PTPRD: variants seen among roughly 807,000 people sequenced by gnomAD.
The protein encoded by PTPRD is receptor-type tyrosine-protein phosphatase delta.
PTPRD carries 34 observed loss-of-function variants against 214.5 expected under a neutral mutation model. That is an observed-to-expected ratio of 0.16 (90% CI 0.12 to 0.21). The LOEUF (loss-of-function observed/expected upper bound fraction) is 0.21, where lower values mean the gene tolerates loss of function less well. Among genes scored for constraint, PTPRD ranks in the 10% least tolerant of loss-of-function variants. The pLI, the probability that PTPRD is intolerant of heterozygous loss-of-function variation, is 1.00. For missense variants in PTPRD, 2,545 were observed against 2,398.7 expected (o/e 1.06, Z -1.27); for synonymous variants, 1,128 against 845.7 (o/e 1.33, Z -5.79).
At chr9:9,400,692 A>G (rs1427885704) in intron 8 of PTPRD, among the ~76,000 whole-genome samples, 1 of 152,064 alleles carries the variant, frequency 6.6e-6, no homozygotes, top group Non-Finnish European at 1.5e-5. Flanking sequence ...TTGAGAGAAG[A>G]AGGAAGATAC....
chr9:8,778,210 T>C (rs1599498480), intron 11 of PTPRD, among the ~76,000 whole-genome samples: 4 of 152,370 alleles, frequency 2.6e-5, no homozygotes, highest in African/African-American at 9.6e-5. Context: ...GGCTAGACAA[T>C]TTAAACTGAT....
intron 2 of PTPRD, among the ~76,000 whole-genome samples, chr9:10,592,506 T>C (rs972228285): frequency 6.6e-6 from 1 of 151,918 alleles, no homozygotes; most frequent in Non-Finnish European, 1.5e-5. Context: ...CTACAGGTAA[T>C]AGCCATGTCA....
chr9:8,492,791 T>A (rs1186256264), intron 27 of PTPRD, 71 bp downstream of exon 27: 1 of 1,077,254 alleles, frequency 9.3e-7, no homozygotes, highest in African/African-American at 1.6e-5. Flanking sequence ...AAAAGCCTGC[T>A]AGAAGCTACC....
chr9:9,131,790 G>A (rs1246605007), intron 10 of PTPRD, among the ~76,000 whole-genome samples: 2 of 152,278 alleles, frequency 1.3e-5, no homozygotes, highest in South Asian at 2.1e-4. Context: ...ATGAGAGTTC[G>A]ATAATATGGA....
intron 3 of PTPRD, among the ~76,000 whole-genome samples, chr9:10,253,747 A>G (rs1158881072): frequency 6.6e-6 from 1 of 152,168 alleles, no homozygotes; most frequent in Non-Finnish European, 1.5e-5. Context: ...GAAAAAAATG[A>G]TTTTTTAAAA....
In PTPRD at chr9:8,342,535, A is replaced by C. The variant is rs114886592; in HGVS notation, c.4662-557T>G. Reference sequence around the variant, plus strand: ...TCCAAAATACTTTCTCTTCCTGATCATGCGGGTTTATCAGGCTGGTAAACA... The same window carrying C: ...TCCAAAATACTTTCTCTTCCTGATCCTGCGGGTTTATCAGGCTGGTAAACA... On this transcript the variant is annotated intron_variant, in intron 39 of 45. Transcript: ENST00000381196. Among the ~76,000 whole-genome samples, 976 of 152,208 alleles carry C rather than the reference A, an allele frequency of 6.4e-3. 6 individuals are homozygous for C. The highest frequency in any genetic ancestry group is 0.022 in the African/African-American group (921 of 41,548).
rs75006132 is a variant in PTPRD, at chr9:8,767,501, T to C, written c.-103-33555A>G. Among the ~76,000 whole-genome samples the C allele has an allele frequency of 7.9e-3, 1,208 of 152,246 alleles. 13 individuals are homozygous for C. Among genetic ancestry groups the C allele is most frequent in the African/African-American group, 0.027 (1,137 of 41,540 alleles). ...TAGGAACTCAAAGACACATGTACATTTGTTGCAGCATTTTTTTTGTAATGG... is the reference window on the plus strand; with the variant it reads ...TAGGAACTCAAAGACACATGTACATCTGTTGCAGCATTTTTTTTGTAATGG... On this transcript the variant is annotated intron_variant, in intron 11 of 45. Coordinates refer to ENST00000381196, the MANE Select transcript of PTPRD (RefSeq NM_002839.4).
chr9:8,583,538 T>A (rs1442305303), intron 14 of PTPRD, among the ~76,000 whole-genome samples: 1 of 152,138 alleles, frequency 6.6e-6, no homozygotes, highest in Non-Finnish European at 1.5e-5. Flanking sequence ...GAAAAAATCA[T>A]GTTGAAGAAT....
intron 43 of PTPRD, among the ~76,000 whole-genome samples, chr9:8,334,725 C>CA (rs1228214357): frequency 3.8e-5 from 4 of 106,156 alleles, no homozygotes; most frequent in South Asian, 2.6e-4. Flanking sequence ...AAAAACCCTT[C>CA]AAAAAATCAA....
chr9:9,872,019 C>T (rs1338111137), intron 5 of PTPRD, among the ~76,000 whole-genome samples: 1 of 152,106 alleles, frequency 6.6e-6, no homozygotes, highest in Non-Finnish European at 1.5e-5. Flanking sequence ...GCATTAGTAT[C>T]CTCCTGACTT....
intron 11 of PTPRD, among the ~76,000 whole-genome samples, chr9:8,934,451 T>TA (rs1567098330): frequency 0.022 from 303 of 13,664 alleles, 12 homozygotes; most frequent in African/African-American, 0.06. Flanking sequence ...ATATATAAAT[T>TA]TATATATATA....
rs947938435 is a variant in PTPRD, at chr9:10,229,319, C to A, written c.-545+111644G>T. Among the ~76,000 whole-genome samples, 27 of 152,072 alleles carry A rather than the reference C, an allele frequency of 1.8e-4. No individual in the cohort carries two copies. The Middle Eastern group carries it at 0.01, about 57-fold the overall frequency. ...CAATTCCTCAGGGATCTAGAACTAG[C>A]AATACCATTTGACCCAGCCATCCCA... On this transcript the variant is annotated intron_variant, in intron 3 of 45. Coordinates refer to ENST00000381196, the MANE Select transcript of PTPRD (RefSeq NM_002839.4).
rs1045803817 is a variant in PTPRD, at chr9:9,342,825, A to T, written c.-203+54624T>A. On this transcript the variant is annotated intron_variant, in intron 9 of 45. Transcript: ENST00000381196. The stretch of plus-strand genomic sequence containing the variant: ...TGCTGCACCCATCAACCCGTCATCT[A>T]CATTAGGCATTTCTTCTAATGCTAT... 3.9e-5 allele frequency among the ~76,000 whole-genome samples: 6 copies of T among 151,926 alleles called. No homozygotes were observed. The East Asian group carries it at 9.7e-4, about 24-fold the overall frequency.
intron 9 of PTPRD, among the ~76,000 whole-genome samples, chr9:9,265,379 G>A (rs953340728): frequency 6.6e-6 from 1 of 151,428 alleles, no homozygotes; most frequent in East Asian, 2.0e-4. Context: ...CTGCCCTACT[G>A]AATAGCTAGG....
chr9:9,262,371 T>G (rs1266367315), intron 9 of PTPRD, among the ~76,000 whole-genome samples: 3 of 151,112 alleles, frequency 2.0e-5, no homozygotes, highest in African/African-American at 7.3e-5. Flanking sequence ...TATAAAAATA[T>G]TAATGTAATG....
Position 8,633,338 on chromosome 9 carries a change from T to A in PTPRD, c.331A>T (p.Thr111Ser). The change falls in exon 14 of 46, where the codon ACC becomes TCC. Residue 111 changes from threonine to serine, a missense_variant. By Grantham distance (58) the Thr-to-Ser change is moderately conservative. Transcript: ENST00000381196. ...TTACCCCGCAAAACTGTGAGTCTGG[T>A]GGATACACTTATTTCTCCCACATTA... ...SNNVGEISVS[T>S]RLTVLREDQI... 1 of 1,612,466 alleles carries A rather than the reference T, an allele frequency of 6.2e-7. No homozygotes were observed. Among genetic ancestry groups the A allele is most frequent in the Non-Finnish European group, 8.5e-7 (1 of 1,178,920 alleles).
intron 3 of PTPRD, among the ~76,000 whole-genome samples, chr9:10,279,074 C>T (rs2094930590): frequency 6.6e-6 from 1 of 151,840 alleles, no homozygotes; most frequent in South Asian, 2.1e-4. Flanking sequence ...GCGCCTGGCC[C>T]CATGTATGGT....
At chr9:10,611,310 T>C (rs2080910075) in intron 2 of PTPRD, among the ~76,000 whole-genome samples, 1 of 152,192 alleles carries the variant, frequency 6.6e-6, no homozygotes, top group South Asian at 2.1e-4. Flanking sequence ...CTACTGTATA[T>C]GTAACAATGC....
chr9:8,598,968 T>C (rs536755151), intron 14 of PTPRD, among the ~76,000 whole-genome samples: 1 of 152,300 alleles, frequency 6.6e-6, no homozygotes, highest in Admixed American at 6.5e-5. Context: ...TGATACGGTT[T>C]GTCTGTGTCC....
Sources: allele counts gnomAD v4.1 joint callset (sites outside exome capture counted in the v4.1 genomes callset), GRCh38; gene constraint gnomAD v4.1.1; transcripts MANE v1.5; gene names NCBI Gene and HGNC (gene_info 2026-07-23, HGNC 2026-07-21).